CAMTA1: variants seen among roughly 807,000 people sequenced by gnomAD.
CAMTA1 encodes the protein calmodulin binding transcription activator 1.
CAMTA1 carries 27 observed loss-of-function variants against 170.9 expected under a neutral mutation model. The observed-to-expected ratio is 0.16, with a 90% CI of 0.12 to 0.22. The LOEUF is 0.22. Among genes scored for constraint, CAMTA1 ranks in the 10% least tolerant of loss-of-function variants. The pLI, the probability that CAMTA1 is intolerant of heterozygous loss-of-function variation, is 1.00. For synonymous variants in CAMTA1, 833 were observed against 891.5 expected (o/e 0.93, Z 1.17); for missense variants, 1,619 against 2,217.2 (o/e 0.73, Z 5.42).
At chr1:6,868,539 C>A (rs1667433671) in intron 3 of CAMTA1, among the ~76,000 whole-genome samples, 1 of 151,734 alleles carries the variant, frequency 6.6e-6, no homozygotes, top group Admixed American at 6.6e-5. Context: ...GCATTTCTGT[C>A]ATGATTTAAC....
chr1:7,048,540 C>G (rs1705780629), intron 3 of CAMTA1, among the ~76,000 whole-genome samples: 2 of 152,214 alleles, frequency 1.3e-5, no homozygotes, highest in South Asian at 4.1e-4. Context: ...TCAGCCTTTG[C>G]CCGGAGAGAT....
chr1:7,494,734 G>A (rs1305691599), intron 6 of CAMTA1, among the ~76,000 whole-genome samples: 2 of 152,192 alleles, frequency 1.3e-5, no homozygotes, highest in Non-Finnish European at 1.5e-5. Flanking sequence ...AACTCCAGAA[G>A]TAGAGATTGC....
intron 11 of CAMTA1, among the ~76,000 whole-genome samples, chr1:7,699,906 C>A (rs1225391190): frequency 1.3e-5 from 2 of 152,090 alleles, no homozygotes; most frequent in Non-Finnish European, 2.9e-5. Flanking sequence ...TGTAAGAGTT[C>A]TCTTTATATT....
At chr1:7,181,175 C>T (rs539227391) in intron 4 of CAMTA1, among the ~76,000 whole-genome samples, 48 of 152,138 alleles carry the variant, frequency 3.2e-4, no homozygotes, top group Non-Finnish European at 5.3e-4. Flanking sequence ...ATACTGAAAA[C>T]CCTTTGAAAA....
At chr1:7,478,992 C>T (rs924962136) in intron 6 of CAMTA1, among the ~76,000 whole-genome samples, 2 of 152,202 alleles carry the variant, frequency 1.3e-5, no homozygotes, top group Non-Finnish European at 2.9e-5. Flanking sequence ...AGAGTGAAAT[C>T]CAGACGTAGT....
At chr1:7,508,241 C>G (rs2094149898) in intron 6 of CAMTA1, among the ~76,000 whole-genome samples, 1 of 152,170 alleles carries the variant, frequency 6.6e-6, no homozygotes, top group Admixed American at 6.5e-5. Flanking sequence ...CCGGTGGACC[C>G]TCCACAGACC....
rs2096205370 is a variant in CAMTA1, at chr1:7,681,522, C to T, written c.2914+3789C>T. On this transcript the variant is annotated intron_variant, in intron 11 of 22. Transcript: ENST00000303635. The surrounding 1 kb of genome is among the most constrained non-coding windows in gnomAD (Gnocchi z 4.6). ...TCAGAACAAATTTCCTCTGTCCTGACCTGACCCCAGGCCATTTGCACAGGA... is the reference window on the plus strand; with the variant it reads ...TCAGAACAAATTTCCTCTGTCCTGATCTGACCCCAGGCCATTTGCACAGGA... Among the ~76,000 whole-genome samples, 1 of 152,202 alleles carries T rather than the reference C, an allele frequency of 6.6e-6. No homozygotes were observed. Among genetic ancestry groups the T allele is most frequent in the South Asian group, 2.1e-4 (1 of 4,834 alleles).
chr1:6,858,468 TG>T lies in CAMTA1; in HGVS notation c.234+33260del, dbSNP rs34005499. On this transcript the variant is annotated intron_variant, in intron 3 of 22. Transcript: ENST00000303635. The stretch of plus-strand genomic sequence containing the variant: ...GTGGTGGTGGTGGTGGTGGTGGTGG[TG>T]GTGTGTGTGTGTGTGTTGGGGGGGG... 3.6e-3 allele frequency among the ~76,000 whole-genome samples: 212 copies of T among 58,440 alleles called. 2 individuals carry two copies. Among genetic ancestry groups the T allele is most frequent in the Non-Finnish European group, 5.3e-3 (147 of 27,666 alleles). 38.3% of individuals were successfully genotyped at this position (58,440 alleles called of 152,430 possible).
At chr1:7,650,569 C>T (rs1361814377) in intron 7 of CAMTA1, among the ~76,000 whole-genome samples, 2 of 152,194 alleles carry the variant, frequency 1.3e-5, no homozygotes, top group East Asian at 3.9e-4. Flanking sequence ...TGGGACGAAG[C>T]CCATGCCCCC....
intron 4 of CAMTA1, among the ~76,000 whole-genome samples, chr1:7,151,189 T>C (rs1646552823): frequency 6.6e-6 from 1 of 152,174 alleles, no homozygotes; most frequent in African/African-American, 2.4e-5. Context: ...AGCGCTGGCG[T>C]TCGCGCCTGG....
intron 3 of CAMTA1, among the ~76,000 whole-genome samples, chr1:6,847,560 A>G (rs1165432046): frequency 6.7e-6 from 1 of 149,634 alleles, no homozygotes; most frequent in Non-Finnish European, 1.5e-5. Flanking sequence ...TTTTTTTGAG[A>G]CAGAGTCTTA....
Position 7,631,406 on chromosome 1 carries a change from A to G in CAMTA1, c.511-8994A>G, listed in dbSNP as rs12093433. ...ATGACTTCAAGCAGGGCTGGCACCC[A>G]GAGACTCAGCCCTCAAAGGCACTCT... On this transcript the variant is annotated intron_variant, in intron 6 of 22. Coordinates refer to ENST00000303635, the MANE Select transcript of CAMTA1 (RefSeq NM_015215.4). 7.5e-3 allele frequency among the ~76,000 whole-genome samples: 1,147 copies of G among 152,326 alleles called. 17 individuals carry two copies. The highest frequency in any genetic ancestry group is 0.027 in the African/African-American group (1,103 of 41,570).
At chr1:6,966,949 T>G (rs1691663277) in intron 3 of CAMTA1, among the ~76,000 whole-genome samples, 1 of 149,552 alleles carries the variant, frequency 6.7e-6, no homozygotes, top group Non-Finnish European at 1.5e-5. Flanking sequence ...CATGAAAAAA[T>G]TCATGGTTGA....
At chr1:7,654,811 A>ACACCTATC in intron 7 of CAMTA1, among the ~76,000 whole-genome samples, 1 of 16,160 alleles carries the variant, frequency 6.2e-5, no homozygotes. Context: ...ACACACCCAC[A>ACACCTATC]CACACCACAC....
chr1:7,735,898 G>A (rs527322355), intron 12 of CAMTA1, among the ~76,000 whole-genome samples: 31 of 151,686 alleles, frequency 2.0e-4, no homozygotes, highest in Non-Finnish European at 3.7e-4. Flanking sequence ...TCAGCCTCCC[G>A]AGTAGCTGGG....
At chr1:7,233,826 CTT>C (rs1003403573) in intron 4 of CAMTA1, among the ~76,000 whole-genome samples, 3 of 152,192 alleles carry the variant, frequency 2.0e-5, no homozygotes, top group Admixed American at 6.5e-5. Flanking sequence ...TTTTGGCTGA[CTT>C]TTACTCTCTT....
intron 3 of CAMTA1, among the ~76,000 whole-genome samples, chr1:6,968,061 G>A (rs1474574793): frequency 6.6e-6 from 1 of 152,178 alleles, no homozygotes; most frequent in Non-Finnish European, 1.5e-5. Flanking sequence ...AGCTGGCAGC[G>A]TTCAGCAGCT....
chr1:6,866,955 A>T (rs1258848922), intron 3 of CAMTA1, among the ~76,000 whole-genome samples: 1 of 152,246 alleles, frequency 6.6e-6, no homozygotes, highest in African/African-American at 2.4e-5. Flanking sequence ...CTTCTCCATG[A>T]TCTCTCAGCT....
chr1:7,108,241 A>G (rs1248361788), intron 4 of CAMTA1, among the ~76,000 whole-genome samples: 1 of 152,182 alleles, frequency 6.6e-6, no homozygotes, highest in Non-Finnish European at 1.5e-5. Context: ...CAGCTCTTCC[A>G]TTTAGTAGCA....
Sources: gnomAD v4.1 joint callset for allele counts (sites outside exome capture counted in the v4.1 genomes callset) on GRCh38, gnomAD v4.1.1 for gene constraint, Gnocchi (gnomAD v3.1) non-coding constraint, MANE v1.5 for transcripts, NCBI Gene and HGNC (gene_info 2026-07-23, HGNC 2026-07-21) for gene names.